Variants in WDR7 observed in about 807,000 individuals in gnomAD.
WDR7 encodes WD repeat-containing protein 7.
Under a neutral mutation model 169.4 loss-of-function variants are expected in WDR7, and 46 were observed. The ratio of observed to expected loss-of-function variants is 0.27; its 90% CI spans 0.21 to 0.35. WDR7 has a LOEUF of 0.35. Ranked by LOEUF, WDR7 falls within the 10% of genes least tolerant of loss-of-function variation. The pLI, the probability that WDR7 is intolerant of heterozygous loss-of-function variation, is 1.00. For synonymous variants in WDR7, 612 were observed against 666.8 expected (o/e 0.92, Z 1.27); for missense variants, 1,534 against 1,859.3 (o/e 0.83, Z 3.22).
At chr18:56,785,817 TTTTTTTCTTTTTC>T (rs1219171057) in intron 19 of WDR7, among the ~76,000 whole-genome samples, 1 of 148,414 alleles carries the variant, frequency 6.7e-6, no homozygotes, top group African/African-American at 2.5e-5. Flanking sequence ...CTCAGGATTC[TTTTTTTCTTTTTC>T]TTTTTTTTTT....
At chr18:56,874,222 C>T (rs1218009385) in intron 20 of WDR7, among the ~76,000 whole-genome samples, 1 of 152,090 alleles carries the variant, frequency 6.6e-6, no homozygotes, top group East Asian at 1.9e-4. Context: ...TTAAATATCA[C>T]TTTTTCTAGA....
chr18:56,744,878 AT>A (rs2043678795), intron 14 of WDR7, among the ~76,000 whole-genome samples: 1 of 152,170 alleles, frequency 6.6e-6, no homozygotes, highest in Admixed American at 6.5e-5. Context: ...GAGTGGGGAT[AT>A]TAGCATTTAA....
chr18:56,678,385 C>T (rs1002246660), intron 2 of WDR7, among the ~76,000 whole-genome samples: 4 of 152,206 alleles, frequency 2.6e-5, no homozygotes, highest in Non-Finnish European at 5.9e-5. Context: ...GTATTCTTCA[C>T]TGTCTGGACT....
intron 22 of WDR7, among the ~76,000 whole-genome samples, chr18:56,931,116 T>C (rs1382692314): frequency 6.6e-6 from 1 of 152,068 alleles, no homozygotes; most frequent in Non-Finnish European, 1.5e-5. Flanking sequence ...AGAGAGTCTG[T>C]CATGTCCTCT....
chr18:56,726,245 T>C (rs143168738), intron 13 of WDR7, among the ~76,000 whole-genome samples: 1 of 152,316 alleles, frequency 6.6e-6, no homozygotes, highest in African/African-American at 2.4e-5. Flanking sequence ...CCTTGGGCAG[T>C]ATGGCCATTT....
intron 22 of WDR7, 69 bp from the exon 23 acceptor site, chr18:56,935,719 G>A: frequency 1.4e-6 from 2 of 1,431,622 alleles, no homozygotes; most frequent in Non-Finnish European, 2.0e-6. Context: ...TATAAGCTGT[G>A]TCTAATCTTT....
intron 7 of WDR7, among the ~76,000 whole-genome samples, chr18:56,689,074 C>T (rs2144607931): frequency 6.6e-6 from 1 of 152,096 alleles, no homozygotes; most frequent in East Asian, 1.9e-4. Flanking sequence ...GCCAGATGGC[C>T]AGTAAATGTA....
chr18:57,004,977 TAA>T (rs2145897858), intron 26 of WDR7, among the ~76,000 whole-genome samples: 1 of 152,306 alleles, frequency 6.6e-6, no homozygotes, highest in East Asian at 1.9e-4. Flanking sequence ...GTATCATATT[TAA>T]AGAGTACTCT....
chr18:56,741,206 A>G (rs1039077783), intron 14 of WDR7, among the ~76,000 whole-genome samples: 3 of 152,090 alleles, frequency 2.0e-5, no homozygotes, highest in Non-Finnish European at 4.4e-5. Context: ...AGTTTAAAGT[A>G]TTTGCTATGT....
intron 26 of WDR7, among the ~76,000 whole-genome samples, chr18:56,985,411 T>C (rs1374922486): frequency 6.6e-6 from 1 of 152,164 alleles, no homozygotes; most frequent in East Asian, 1.9e-4. Context: ...ATCACAAGGA[T>C]TATGCTATGA....
rs752022884 is a variant in WDR7, at chr18:56,679,364, A to G, written c.192A>G (p.Thr64=). The G allele has an allele frequency of 1.9e-6, 3 of 1,612,492 alleles. No individual in the cohort carries two copies. The highest frequency in any genetic ancestry group is 2.5e-6 in the Non-Finnish European group (3 of 1,178,632). The change falls in exon 3 of 28, where the codon ACA becomes ACG. Residue 64 remains threonine, a synonymous_variant. Transcript: ENST00000254442. The part of the protein sequence containing the change: ...INPRALLFGH[T]ASITCLSKAC... ...CTCGAGCACTGTTGTTTGGTCATAC[A>G]GCATCAATCACTTGTTTGTCTAAAG...
At chr18:57,006,377 G>T (rs2048058477) in intron 26 of WDR7, among the ~76,000 whole-genome samples, 1 of 151,922 alleles carries the variant, frequency 6.6e-6, no homozygotes, top group Non-Finnish European at 1.5e-5. Context: ...AGTGCAACAA[G>T]TGGGCTTGTG....
intron 20 of WDR7, among the ~76,000 whole-genome samples, chr18:56,848,231 TC>T (rs1426748078): frequency 6.6e-6 from 1 of 152,238 alleles, no homozygotes; most frequent in Non-Finnish European, 1.5e-5. Context: ...TAATGACTGT[TC>T]TGCTGGGTTT....
At chr18:56,778,605 A>G (rs1207328013) in intron 17 of WDR7, among the ~76,000 whole-genome samples, 7 of 152,176 alleles carry the variant, frequency 4.6e-5, no homozygotes, top group Non-Finnish European at 1.0e-4. Context: ...CTATTTTCAC[A>G]TACCTTTAAA....
chr18:56,991,388 G>A (rs958381499), intron 26 of WDR7, among the ~76,000 whole-genome samples: 8 of 151,948 alleles, frequency 5.3e-5, no homozygotes, highest in Admixed American at 6.5e-5. Flanking sequence ...CTCGTGATCC[G>A]CCTGCCTTGG....
At chr18:56,958,722 G>T (rs75617930) in intron 25 of WDR7, among the ~76,000 whole-genome samples, 5,679 of 152,190 alleles carry the variant, frequency 0.037, 131 homozygotes, top group Non-Finnish European at 0.053. Flanking sequence ...GGTCATGGGA[G>T]AGCCCATTTC....
chr18:56,793,104 G>A (rs1326065598), intron 19 of WDR7, among the ~76,000 whole-genome samples: 8 of 152,166 alleles, frequency 5.3e-5, no homozygotes, highest in Non-Finnish European at 8.8e-5. Flanking sequence ...TGGAAGCACA[G>A]AAACCATTTT....
chr18:56,979,910 G>C (rs750314498), intron 26 of WDR7, among the ~76,000 whole-genome samples: 1 of 152,198 alleles, frequency 6.6e-6, no homozygotes, highest in Non-Finnish European at 1.5e-5. Flanking sequence ...CATTTAGTTT[G>C]TTACTATATC....
chr18:56,895,241 G>A (rs8097674), intron 21 of WDR7, among the ~76,000 whole-genome samples: 126,893 of 151,846 alleles, frequency 0.84, 53,187 homozygotes, highest in East Asian at 0.98. Flanking sequence ...TCAAAAATGA[G>A]TAACTTCTGT....
Sources: gnomAD v4.1 joint callset for allele counts (sites outside exome capture counted in the v4.1 genomes callset) on GRCh38, gnomAD v4.1.1 for gene constraint, MANE v1.5 for transcripts, NCBI Gene and HGNC (gene_info 2026-07-23, HGNC 2026-07-21) for gene names.